Variants in DNAH11 observed in about 807,000 individuals in gnomAD.
DNAH11 encodes the protein axonemal beta dynein heavy chain 11.
A neutral mutation model predicts 526.0 loss-of-function variants in DNAH11; 442 were observed. That is an observed-to-expected ratio of 0.84 (90% CI 0.78 to 0.91). DNAH11 has a LOEUF of 0.91. Among genes scored for constraint, DNAH11 ranks in the 40% least tolerant of loss-of-function variants. DNAH11 has a pLI of 0.00. For synonymous variants in DNAH11, 2,461 were observed against 1,935.9 expected (o/e 1.27, Z -7.12); for missense variants, 6,989 against 5,448.7 (o/e 1.28, Z -8.90).
intron 56 of DNAH11, among the ~76,000 whole-genome samples, chr7:21,774,594 GT>G (rs1358556154): frequency 1.3e-5 from 2 of 152,100 alleles, no homozygotes; most frequent in Admixed American, 1.3e-4. Flanking sequence ...TCATTATTTC[GT>G]TGTTAAAAAA....
chr7:21,861,448 CAT>C (rs1210091227), intron 68 of DNAH11, among the ~76,000 whole-genome samples: 1 of 152,238 alleles, frequency 6.6e-6, no homozygotes, highest in Non-Finnish European at 1.5e-5. Flanking sequence ...AAAAATTCCA[CAT>C]TTCTTGTGGT....
At chr7:21,885,339 C>T (rs6978557) in intron 76 of DNAH11, among the ~76,000 whole-genome samples, 104,070 of 148,244 alleles carry the variant, frequency 0.7, 38,416 homozygotes, top group Non-Finnish European at 0.82. Context: ...GAGGACATTA[C>T]GTTAAATGAA....
intron 25 of DNAH11, among the ~76,000 whole-genome samples, chr7:21,628,693 A>G: frequency 6.6e-6 from 1 of 152,022 alleles, no homozygotes; most frequent in East Asian, 1.9e-4. Context: ...CCATCAGCTA[A>G]TATTTTGTAG....
chr7:21,614,789 T>G (rs1785688623), intron 20 of DNAH11, among the ~76,000 whole-genome samples: 1 of 152,192 alleles, frequency 6.6e-6, no homozygotes, highest in African/African-American at 2.4e-5. Context: ...CCTTTTGTTC[T>G]TCAGCAAATT....
chr7:21,544,388 G>A (rs1189704377), intron 1 of DNAH11, among the ~76,000 whole-genome samples: 1 of 152,138 alleles, frequency 6.6e-6, no homozygotes, highest in Non-Finnish European at 1.5e-5. Context: ...CTGCCTTATG[G>A]TATTGTGAAT....
intron 62 of DNAH11, among the ~76,000 whole-genome samples, chr7:21,805,276 G>A (rs376470153): frequency 3.9e-5 from 6 of 152,064 alleles, no homozygotes; most frequent in Admixed American, 6.5e-5. Flanking sequence ...GTATGCATAC[G>A]CACAAATACT....
chr7:21,875,506 C>T (rs1436568495), intron 74 of DNAH11, among the ~76,000 whole-genome samples: 4 of 152,152 alleles, frequency 2.6e-5, no homozygotes, highest in South Asian at 4.1e-4. Flanking sequence ...CGAAAATATA[C>T]TGCACATTGG....
At chr7:21,577,404 G>A (rs1011438160) in intron 8 of DNAH11, among the ~76,000 whole-genome samples, 2 of 152,120 alleles carry the variant, frequency 1.3e-5, no homozygotes, top group East Asian at 1.9e-4. Context: ...CACATAGGGA[G>A]CCATGATTTT....
At chr7:21,578,919 G>C (rs1304354083) in intron 8 of DNAH11, among the ~76,000 whole-genome samples, 1 of 152,150 alleles carries the variant, frequency 6.6e-6, no homozygotes, top group Non-Finnish European at 1.5e-5. Context: ...CTCATTAAAT[G>C]GTACATATAA....
intron 51 of DNAH11, among the ~76,000 whole-genome samples, chr7:21,746,566 G>A (rs900901291): frequency 3.3e-5 from 5 of 152,152 alleles, no homozygotes; most frequent in African/African-American, 1.2e-4. Context: ...TTATGCCACT[G>A]CACTCTAGCC....
chr7:21,568,055 G>C (rs1208776696), intron 6 of DNAH11, among the ~76,000 whole-genome samples: 1 of 152,174 alleles, frequency 6.6e-6, no homozygotes, highest in Non-Finnish European at 1.5e-5. Context: ...GAGTGGAGCT[G>C]TCAGGACTGA....
intron 18 of DNAH11, among the ~76,000 whole-genome samples, chr7:21,604,334 C>T (rs1785202292): frequency 6.6e-6 from 1 of 152,162 alleles, no homozygotes; most frequent in East Asian, 1.9e-4. Flanking sequence ...TCTCACCTCA[C>T]AGCAACAGCC....
In DNAH11 at chr7:21,629,234, G is replaced by T. The variant is rs538949926; in HGVS notation, c.4501-6637G>T. Among the ~76,000 whole-genome samples the T allele has an allele frequency of 2.0e-5, 3 of 152,044 alleles. No homozygotes were observed. The South Asian group carries it at 6.2e-4, about 32-fold the overall frequency. ...CATTTCTAAGGTTCCTCTTGTTAGTGATTTCTAGTTTTATTTCATTGTAAT... is the reference window on the plus strand; with the variant it reads ...CATTTCTAAGGTTCCTCTTGTTAGTTATTTCTAGTTTTATTTCATTGTAAT... On this transcript the variant is annotated intron_variant, in intron 25 of 81. Coordinates refer to ENST00000409508, the MANE Select transcript of DNAH11 (RefSeq NM_001277115.2).
At chr7:21,549,491 C>A (rs2128427006) in intron 2 of DNAH11, among the ~76,000 whole-genome samples, 1 of 152,202 alleles carries the variant, frequency 6.6e-6, no homozygotes, top group East Asian at 1.9e-4. Flanking sequence ...TAGTCCCAGG[C>A]AAATGGGGGG....
At chr7:21,704,388 T>C in intron 37 of DNAH11, 46 bp from the exon 38 acceptor site, 1 of 1,550,082 alleles carries the variant, frequency 6.5e-7, no homozygotes, top group East Asian at 2.3e-5. Flanking sequence ...TTTAGGTGTT[T>C]GTTAGACCTT....
In DNAH11 at chr7:21,635,884, CT is replaced by C; in HGVS notation, c.4515del (p.Leu1506PhefsTer7). On this transcript the variant is annotated frameshift_variant, in exon 26 of 82. Coordinates refer to ENST00000409508, the MANE Select transcript of DNAH11 (RefSeq NM_001277115.2). LOFTEE classifies it high-confidence loss of function. ...CCTTTATTTTAGGTTCAGTTGCAGA[CT>C]CTTCTTCAAAGCAAGTATGTAGAAT... ...TLEHNQVQLQ[T>X]LLQSKYVEYF... 1 of 1,610,572 alleles carries C rather than the reference CT, an allele frequency of 6.2e-7. No homozygotes were observed. The highest frequency in any genetic ancestry group is 8.5e-7 in the Non-Finnish European group (1 of 1,178,236).
At chr7:21,867,764 C>T (rs1185594041) in intron 71 of DNAH11, 95 bp from the exon 72 acceptor site, 2 of 1,174,532 alleles carry the variant, frequency 1.7e-6, no homozygotes, top group Non-Finnish European at 2.4e-6. Context: ...CTGGTTACTT[C>T]TATCGTGTGC....
rs188394402 is a variant in DNAH11 at position 21,677,044 on chromosome 7, A to C, written c.5329-4502A>C. On this transcript the variant is annotated intron_variant, in intron 30 of 81. Coordinates refer to ENST00000409508, the MANE Select transcript of DNAH11 (RefSeq NM_001277115.2). Reference sequence around the variant, plus strand: ...TGCTGTCGTTGCCTTTGTGGAACATAAAATCTAGGGGATGATGAGCAGTGA... The same window carrying C: ...TGCTGTCGTTGCCTTTGTGGAACATCAAATCTAGGGGATGATGAGCAGTGA... Among the ~76,000 whole-genome samples the C allele has an allele frequency of 5.9e-5, 9 of 152,348 alleles. No individual in the cohort carries two copies. The East Asian group carries it at 1.5e-3, about 26-fold the overall frequency.
intron 63 of DNAH11, among the ~76,000 whole-genome samples, chr7:21,815,452 C>T (rs980286037): frequency 5.3e-5 from 8 of 152,100 alleles, no homozygotes; most frequent in African/African-American, 1.7e-4. Context: ...TTCCTATATT[C>T]GTATCAAATT....
Sources: gnomAD v4.1 joint callset for allele counts (sites outside exome capture counted in the v4.1 genomes callset) on GRCh38, gnomAD v4.1.1 for gene constraint, MANE v1.5 for transcripts, NCBI Gene and HGNC (gene_info 2026-07-23, HGNC 2026-07-21) for gene names.